HS6ST3: variants seen among roughly 807,000 people sequenced by gnomAD.
The protein encoded by HS6ST3 is heparan-sulfate 6-O-sulfotransferase 3.
HS6ST3 carries 12 observed loss-of-function variants against 36.7 expected under a neutral mutation model. The observed-to-expected ratio is 0.33, with a 90% CI of 0.21 to 0.53. The LOEUF (loss-of-function observed/expected upper bound fraction) is 0.53. Ranked by LOEUF, HS6ST3 falls within the 20% of genes least tolerant of loss-of-function variation. HS6ST3 has a pLI of 0.95. For missense variants in HS6ST3, 584 were observed against 640.9 expected (o/e 0.91, Z 0.96); for synonymous variants, 240 against 257.5 (o/e 0.93, Z 0.65).
intron 1 of HS6ST3, among the ~76,000 whole-genome samples, chr13:96,238,167 G>A (rs2054543433): frequency 6.6e-6 from 1 of 151,926 alleles, no homozygotes; most frequent in African/African-American, 2.4e-5. Context: ...AGAACTCTGG[G>A]GGGTCATCCT....
chr13:96,155,923 T>C (rs2054108439), intron 1 of HS6ST3, among the ~76,000 whole-genome samples: 1 of 152,194 alleles, frequency 6.6e-6, no homozygotes, highest in Non-Finnish European at 1.5e-5. Flanking sequence ...AAGGTCACTT[T>C]TTCAGTGACC....
intron 1 of HS6ST3, among the ~76,000 whole-genome samples, chr13:96,646,589 T>A (rs2056589227): frequency 6.6e-6 from 1 of 152,018 alleles, no homozygotes; most frequent in South Asian, 2.1e-4. Context: ...AGTAATTCAA[T>A]TAGGTGAATC....
rs549350162 is a variant in HS6ST3, at chr13:96,459,436, A to C, written c.707+367867A>C. Among the ~76,000 whole-genome samples the C allele has an allele frequency of 5.7e-4, 86 of 152,192 alleles. 3 individuals are homozygous for C. The South Asian group carries it at 0.015, about 27-fold the overall frequency. On this transcript the variant is annotated intron_variant, in intron 1 of 1. Coordinates refer to ENST00000376705, the MANE Select transcript of HS6ST3 (RefSeq NM_153456.4). ...ATCATATTGGAAAAGTTAAAAAAAA[A>C]CTGAAAGTCACACTAATTTCAGAAT...
intron 1 of HS6ST3, among the ~76,000 whole-genome samples, chr13:96,358,491 A>G (rs914118132): frequency 5.4e-4 from 82 of 152,166 alleles, no homozygotes; most frequent in Admixed American, 4.6e-4. Context: ...AAAGGGAGAC[A>G]TTGTGACAGA....
At chr13:96,413,952 G>T (rs1452274208) in intron 1 of HS6ST3, among the ~76,000 whole-genome samples, 1 of 152,182 alleles carries the variant, frequency 6.6e-6, no homozygotes, top group African/African-American at 2.4e-5. Context: ...TGCATTTCAT[G>T]TTTGCAATTA....
chr13:96,112,066 A>G (rs926894490), intron 1 of HS6ST3, among the ~76,000 whole-genome samples: 4 of 152,204 alleles, frequency 2.6e-5, no homozygotes, highest in African/African-American at 7.2e-5. Context: ...AAACAAAATT[A>G]AAACTACATC....
At chr13:96,237,530 A>C (rs2054540222) in intron 1 of HS6ST3, among the ~76,000 whole-genome samples, 1 of 152,062 alleles carries the variant, frequency 6.6e-6, no homozygotes, top group Non-Finnish European at 1.5e-5. Flanking sequence ...TTATTACCAG[A>C]TCAGTGTTTA....
At position 96,741,897 on chromosome 13, in the gene HS6ST3, G is replaced by T. The variant is rs150633191; in HGVS notation, c.708-90593G>T. Among the ~76,000 whole-genome samples, 20 of 152,194 alleles carry T rather than the reference G, an allele frequency of 1.3e-4. No homozygotes were observed. The East Asian group carries it at 3.9e-3, about 29-fold the overall frequency. Reference sequence around the variant, plus strand: ...AATTCAGCACAGACTGAATACGGGGGTCTGATGACCACACTGCTCCATCCC... The same window carrying T: ...AATTCAGCACAGACTGAATACGGGGTTCTGATGACCACACTGCTCCATCCC... On this transcript the variant is annotated intron_variant, in intron 1 of 1. Coordinates refer to ENST00000376705, the MANE Select transcript of HS6ST3 (RefSeq NM_153456.4).
chr13:96,575,170 T>C (rs563407669), intron 1 of HS6ST3, among the ~76,000 whole-genome samples: 1 of 152,248 alleles, frequency 6.6e-6, no homozygotes, highest in South Asian at 2.1e-4. Flanking sequence ...TTCATCCCAC[T>C]CTTAGTTGGG....
At chr13:96,531,657 G>A (rs1392734609) in intron 1 of HS6ST3, among the ~76,000 whole-genome samples, 1 of 152,040 alleles carries the variant, frequency 6.6e-6, no homozygotes, top group Non-Finnish European at 1.5e-5. Context: ...GGTTTTATTT[G>A]CCTTACCTGC....
At chr13:96,595,819 C>T (rs1370095085) in intron 1 of HS6ST3, among the ~76,000 whole-genome samples, 1 of 150,596 alleles carries the variant, frequency 6.6e-6, no homozygotes, top group Non-Finnish European at 1.5e-5. Flanking sequence ...GTGATGTTCT[C>T]TATTGCATTT....
chr13:96,287,904 G>T (rs2054811287), intron 1 of HS6ST3, among the ~76,000 whole-genome samples: 1 of 152,166 alleles, frequency 6.6e-6, no homozygotes, highest in African/African-American at 2.4e-5. Flanking sequence ...CAGTGATCCT[G>T]TGGGGATTGA....
chr13:96,790,458 A>G (rs1341762910), intron 1 of HS6ST3, among the ~76,000 whole-genome samples: 1 of 152,018 alleles, frequency 6.6e-6, no homozygotes, highest in Admixed American at 6.6e-5. Context: ...TGGAGTCTCT[A>G]CTTCATGTTA....
At chr13:96,390,680 C>T (rs1273610256) in intron 1 of HS6ST3, among the ~76,000 whole-genome samples, 2 of 152,200 alleles carry the variant, frequency 1.3e-5, no homozygotes, top group East Asian at 3.8e-4. Flanking sequence ...CTACAACACT[C>T]AATCTGTCAC....
chr13:96,813,218 A>C (rs2138536607), intron 1 of HS6ST3, among the ~76,000 whole-genome samples: 1 of 152,340 alleles, frequency 6.6e-6, no homozygotes, highest in Non-Finnish European at 1.5e-5. Flanking sequence ...TAAAAGCAAA[A>C]ATAGGACAGA....
At chr13:96,164,569 A>AG (rs2054152160) in intron 1 of HS6ST3, among the ~76,000 whole-genome samples, 1 of 152,136 alleles carries the variant, frequency 6.6e-6, no homozygotes, top group East Asian at 1.9e-4. Flanking sequence ...AAAAAAAAAA[A>AG]AGATTATCAA....
intron 1 of HS6ST3, among the ~76,000 whole-genome samples, chr13:96,364,635 A>G (rs1171852079): frequency 6.6e-6 from 1 of 152,280 alleles, no homozygotes; most frequent in African/African-American, 2.4e-5. Flanking sequence ...TGGTTTAATG[A>G]GTACATAGTT....
intron 1 of HS6ST3, among the ~76,000 whole-genome samples, chr13:96,535,023 A>G (rs1010138255): frequency 2.0e-5 from 3 of 152,208 alleles, no homozygotes; most frequent in Admixed American, 6.5e-5. Context: ...ATTTCAAAGT[A>G]AGGCCTGCCC....
intron 1 of HS6ST3, among the ~76,000 whole-genome samples, chr13:96,643,784 T>C (rs1287147176): frequency 1.3e-5 from 2 of 151,926 alleles, no homozygotes; most frequent in Non-Finnish European, 2.9e-5. Context: ...TCCAAATGGC[T>C]TCCCAGGCTG....
Sources: allele counts gnomAD v4.1 joint callset (sites outside exome capture counted in the v4.1 genomes callset), GRCh38; gene constraint gnomAD v4.1.1; transcripts MANE v1.5; gene names NCBI Gene and HGNC (gene_info 2026-07-23, HGNC 2026-07-21).